Variants in BIRC6 observed in about 807,000 individuals in gnomAD.
The protein encoded by BIRC6 is baculoviral IAP repeat containing 6, also known as dual E2 ubiquitin-conjugating enzyme/E3 ubiquitin-protein ligase BIRC6.
A neutral mutation model predicts 503.3 loss-of-function variants in BIRC6; 98 were observed. That is an observed-to-expected ratio of 0.19 (90% CI 0.17 to 0.23). The LOEUF is 0.23. Ranked by LOEUF, BIRC6 falls within the 10% of genes least tolerant of loss-of-function variation. BIRC6 has a pLI of 1.00. For missense variants in BIRC6, 5,360 were observed against 5,806.0 expected (o/e 0.92, Z 2.50); for synonymous variants, 2,240 against 2,078.7 (o/e 1.08, Z -2.11).
chr2:32,566,634 T>C (rs2059552583), intron 65 of BIRC6, among the ~76,000 whole-genome samples: 1 of 152,226 alleles, frequency 6.6e-6, no homozygotes, highest in South Asian at 2.1e-4. Context: ...ATTATAGGCA[T>C]GAGCCACTGC....
chr2:32,464,635 C>A lies in BIRC6; in HGVS notation c.5068C>A (p.Pro1690Thr). Residue 1690 changes from proline to threonine, a missense_variant, in exon 25 of 74, where the codon CCA becomes ACA. Pro to Thr is a conservative substitution (Grantham distance 38, BLOSUM62 -1). Transcript: ENST00000421745. ...PVAAPGFFIH[P>T]SDVIPPTPKT... Reference sequence around the variant, plus strand: ...GGCTGCCCCTGGATTCTTCATTCATCCATCTGATGTTATTCCACCCACTCC... The same window carrying A: ...GGCTGCCCCTGGATTCTTCATTCATACATCTGATGTTATTCCACCCACTCC... 1.9e-6 allele frequency: 3 copies of A among 1,613,988 alleles called. No individual in the cohort carries two copies. Among genetic ancestry groups the A allele is most frequent in the Non-Finnish European group, 2.5e-6 (3 of 1,179,890 alleles).
At chr2:32,450,216 C>T (rs1201168301) in intron 22 of BIRC6, among the ~76,000 whole-genome samples, 6 of 152,148 alleles carry the variant, frequency 3.9e-5, no homozygotes, top group African/African-American at 9.7e-5. Context: ...CGGTGGCTCA[C>T]GCCTGTAATC....
chr2:32,485,535 C>A, intron 39 of BIRC6, 108 bp from the exon 40 acceptor site: 1 of 681,926 alleles, frequency 1.5e-6, no homozygotes, highest in Admixed American at 2.7e-5. Flanking sequence ...TCTGTAAGAA[C>A]ACACTCTTCA....
intron 50 of BIRC6, 57 bp from the exon 51 acceptor site, chr2:32,507,923 A>T: frequency 6.8e-7 from 1 of 1,471,402 alleles, no homozygotes; most frequent in Non-Finnish European, 9.1e-7. Flanking sequence ...ATTTTAATAA[A>T]CTGTTCAATC....
intron 57 of BIRC6, among the ~76,000 whole-genome samples, chr2:32,521,347 C>T (rs2055646415): frequency 2.2e-5 from 1 of 45,926 alleles, no homozygotes; most frequent in African/African-American, 8.3e-5. Flanking sequence ...ACCTGGGCAA[C>T]ATAGCAAGAC....
chr2:32,435,666 T>C (rs2044616881), intron 14 of BIRC6, 81 bp downstream of exon 14: 1 of 1,394,436 alleles, frequency 7.2e-7, no homozygotes. Context: ...AAGATTTCCT[T>C]ATGGCTTGCA....
At chr2:32,523,285 T>A (rs2055929024) in intron 57 of BIRC6, 1 of 152,056 alleles carries the variant, frequency 6.6e-6, no homozygotes, top group East Asian at 1.9e-4. Flanking sequence ...GTTGAGAAAT[T>A]TTTTTTTAGT....
intron 47 of BIRC6, 21 bp from the exon 48 acceptor site, chr2:32,502,774 T>C (rs989242731): frequency 1.3e-5 from 21 of 1,555,956 alleles, no homozygotes; most frequent in Non-Finnish European, 1.9e-5. Flanking sequence ...AAAGTCATAA[T>C]ATGCATATTT....
Position 32,460,272 on chromosome 2 carries a change from A to ATAT in BIRC6, c.4754-2921_4754-2920insATT, listed in dbSNP as rs1278940587. Among the ~76,000 whole-genome samples the ATAT allele has an allele frequency of 3.2e-3, 61 of 18,828 alleles. 2 individuals are homozygous for ATAT. The highest frequency in any genetic ancestry group is 8.4e-3 in the African/African-American group (46 of 5,464). 12.4% of individuals were successfully genotyped at this position (18,828 alleles called of 152,430 possible). A position where few individuals can be genotyped will look rare whatever the true frequency, so the allele number is the denominator to read the frequency against. ...TATATATATATATATATATATATATATTTTTTTTTTTTTTTTTTTTTTTTT... is the reference window on the plus strand; with the variant it reads ...TATATATATATATATATATATATATATATTTTTTTTTTTTTTTTTTTTTTTTTT... On this transcript the variant is annotated intron_variant, in intron 23 of 73. Transcript: ENST00000421745.
chr2:32,504,139 A>T (rs1292066443), intron 49 of BIRC6, among the ~76,000 whole-genome samples: 1 of 147,192 alleles, frequency 6.8e-6, no homozygotes, highest in Admixed American at 6.8e-5. Flanking sequence ...GCCCCAAGTG[A>T]TCCCCCACCT....
intron 21 of BIRC6, among the ~76,000 whole-genome samples, chr2:32,448,305 CTGGGAGG>C (rs1332093592): frequency 7.8e-6 from 1 of 128,752 alleles, no homozygotes; most frequent in Non-Finnish European, 1.6e-5. Flanking sequence ...AGGCAGGCGG[CTGGGAGG>C]TGGTTGTAGC....
chr2:32,433,499 AT>A (rs1464628910), intron 12 of BIRC6, 144 bp from the exon 13 acceptor site: 2 of 576,816 alleles, frequency 3.5e-6, no homozygotes, highest in Non-Finnish European at 5.7e-6. Flanking sequence ...ATTGGGAGCT[AT>A]TTTCTCTCTT....
At chr2:32,431,445 C>T (rs2044113390) in intron 12 of BIRC6, among the ~76,000 whole-genome samples, 1 of 152,006 alleles carries the variant, frequency 6.6e-6, no homozygotes, top group South Asian at 2.1e-4. Context: ...ATCCACCTAC[C>T]TCGGCCTCCC....
chr2:32,568,486 T>C (rs569076694), intron 65 of BIRC6, among the ~76,000 whole-genome samples: 2 of 95,192 alleles, frequency 2.1e-5, no homozygotes, highest in South Asian at 9.7e-4. Context: ...AGTGAGACCT[T>C]GGCGCAAAAA....
intron 22 of BIRC6, among the ~76,000 whole-genome samples, chr2:32,450,536 A>AT (rs1485276304): frequency 6.6e-6 from 1 of 152,088 alleles, no homozygotes; most frequent in African/African-American, 2.4e-5. Flanking sequence ...TCTCTACAGC[A>AT]TTTTTTGTTG....
Position 32,545,719 on chromosome 2 carries a change from T to G in BIRC6, c.12669T>G (p.Thr4223=). The change falls in exon 63 of 74, where the codon ACT becomes ACG. Residue 4223 remains threonine, a synonymous_variant. Coordinates refer to ENST00000421745, the MANE Select transcript of BIRC6 (RefSeq NM_016252.4). ...PFHVLRSLFS[T]TPLTTDDGVL... ...ACGTCCTTCGTAGCTTGTTTAGCACTACACCTTTGACAACTGATGATGGTG... is the reference window on the plus strand; with the variant it reads ...ACGTCCTTCGTAGCTTGTTTAGCACGACACCTTTGACAACTGATGATGGTG... 1 of 1,613,962 alleles carries G rather than the reference T, an allele frequency of 6.2e-7. No individual in the cohort carries two copies. Among genetic ancestry groups the G allele is most frequent in the Non-Finnish European group, 8.5e-7 (1 of 1,179,844 alleles).
At chr2:32,367,878 A>G (rs1018874490) in intron 1 of BIRC6, among the ~76,000 whole-genome samples, 1 of 152,290 alleles carries the variant, frequency 6.6e-6, no homozygotes, top group South Asian at 2.1e-4. Flanking sequence ...TAAATCAGGG[A>G]TGCATCTTAG....
At chr2:32,567,710 G>A (rs893581590) in intron 65 of BIRC6, among the ~76,000 whole-genome samples, 6 of 152,196 alleles carry the variant, frequency 3.9e-5, no homozygotes, top group Non-Finnish European at 8.8e-5. Flanking sequence ...CAGTGGGGAT[G>A]ATAATACCTA....
At chr2:32,410,004 A>G (rs975750675) in intron 9 of BIRC6, among the ~76,000 whole-genome samples, 1 of 152,188 alleles carries the variant, frequency 6.6e-6, no homozygotes, top group Non-Finnish European at 1.5e-5. Context: ...GCCACTTGTA[A>G]TATTTTCCTT....
Sources: allele counts gnomAD v4.1 joint callset (sites outside exome capture counted in the v4.1 genomes callset), GRCh38; gene constraint gnomAD v4.1.1; transcripts MANE v1.5; gene names NCBI Gene and HGNC (gene_info 2026-07-23, HGNC 2026-07-21).